The following FAM228B variants were observed in gnomAD, a reference collection of about 807,000 sequenced individuals.
The protein encoded by FAM228B is family with sequence similarity 228 member B.
Under a neutral mutation model 42.6 loss-of-function variants are expected in FAM228B, and 38 were observed. The observed-to-expected ratio is 0.89, with a 90% confidence interval of 0.69 to 1.17. The LOEUF is 1.17. Ranked by LOEUF, FAM228B falls within the 50% of genes most tolerant of loss-of-function variation. The pLI, the probability that FAM228B is intolerant of heterozygous loss-of-function variation, is 0.00. For synonymous variants in FAM228B, 109 were observed against 122.3 expected (o/e 0.89, Z 0.72); for missense variants, 344 against 367.3 (o/e 0.94, Z 0.52).
At chr2:24,133,450 A>G (rs1666503253) in intron 2 of FAM228B, among the ~76,000 whole-genome samples, 1 of 152,194 alleles carries the variant, frequency 6.6e-6, no homozygotes, top group Non-Finnish European at 1.5e-5. Context: ...ATGGGGAAGG[A>G]CAGTTCTTAG....
chr2:24,088,899 G>C (rs561639577), intron 2 of FAM228B, among the ~76,000 whole-genome samples: 1 of 152,140 alleles, frequency 6.6e-6, no homozygotes, highest in East Asian at 1.9e-4. Context: ...TTGAATTGTG[G>C]AACACCCAGC....
upstream of FAM228B, chr2:24,121,168 T>C (rs200264162): frequency 1.2e-6 from 2 of 1,614,074 alleles, no homozygotes; most frequent in East Asian, 2.2e-5. Context: ...CTCACATTTT[T>C]GGCATAAAGA....
intron 7 of FAM228B, among the ~76,000 whole-genome samples, chr2:24,149,729 G>A (rs143284582): frequency 3.3e-4 from 50 of 152,226 alleles, no homozygotes; most frequent in African/African-American, 6.3e-4. Flanking sequence ...CACTGCGCCC[G>A]GCTTGTTGGT....
Position 24,077,812 on chromosome 2 carries a change from C to T in FAM228B, c.-290+843C>T, listed in dbSNP as rs747412391. ...AGCCTGGGGAGAGAGCCTCACCCTG[C>T]CCTCCTCATCCTCCTCAGCCTTCTT... On this transcript the variant is annotated intron_variant, in intron 1 of 10. Transcript: ENST00000613899. This position sits in a 1 kb window ranked among gnomAD's most constrained non-coding sequence, Gnocchi z 5.5. 6.4e-7 allele frequency: 1 copy of T among 1,556,836 alleles called. No individual in the cohort carries two copies.
intron 3 of FAM228B, among the ~76,000 whole-genome samples, chr2:24,104,030 C>T (rs2150997051): frequency 6.6e-6 from 1 of 152,282 alleles, no homozygotes; most frequent in African/African-American, 2.4e-5. Context: ...AAAGGACTAG[C>T]AAACACTGAG....
chr2:24,101,296 T>C (rs1245953122), intron 3 of FAM228B, among the ~76,000 whole-genome samples: 1 of 152,208 alleles, frequency 6.6e-6, no homozygotes, highest in Non-Finnish European at 1.5e-5. Flanking sequence ...ATTTTTCTTC[T>C]ACTACTCATA....
At chr2:24,122,359 T>C, upstream of FAM228B, 2 of 1,282,238 alleles carry the variant, frequency 1.6e-6, no homozygotes, top group Non-Finnish European at 2.2e-6. Flanking sequence ...TGCTTCATTT[T>C]TTGGAAGAAT....
At chr2:24,106,172 A>C (rs528151050) in intron 3 of FAM228B, among the ~76,000 whole-genome samples, 29 of 152,288 alleles carry the variant, frequency 1.9e-4, no homozygotes, top group African/African-American at 6.5e-4. Context: ...CAGATTCTCC[A>C]AAGTTTACAT....
At chr2:24,152,926 TCCCTC>T (rs1416310971) in intron 7 of FAM228B, among the ~76,000 whole-genome samples, 3 of 151,894 alleles carry the variant, frequency 2.0e-5, no homozygotes, top group Non-Finnish European at 4.4e-5. Context: ...TTCCCACTCT[TCCCTC>T]CCCTTTACAC....
At position 24,169,138 on chromosome 2, in the gene FAM228B, T is replaced by C. The variant is rs1667507208; in HGVS notation, c.*15-218T>C. On this transcript the variant is annotated intron_variant, in intron 10 of 10. Transcript: ENST00000615575. The surrounding 1 kb of genome is among the most constrained non-coding windows in gnomAD (Gnocchi z 4.2). ...GTGATCCACCCCATCTATTTGACCA[T>C]GTCCCTGAATCTCTCAGTGCTTCTG... Among the ~76,000 whole-genome samples the C allele has an allele frequency of 6.6e-6, 1 of 152,192 alleles. No individual in the cohort carries two copies. The highest frequency in any genetic ancestry group is 6.5e-5 in the Admixed American group (1 of 15,286).
At chr2:24,131,327 A>G (rs983547811) in intron 2 of FAM228B, among the ~76,000 whole-genome samples, 1 of 152,130 alleles carries the variant, frequency 6.6e-6, no homozygotes, top group South Asian at 2.1e-4. Flanking sequence ...TTTTGGTTTC[A>G]TATAAAATTT....
chr2:24,101,643 C>T (rs1665607977), intron 3 of FAM228B, among the ~76,000 whole-genome samples: 1 of 151,880 alleles, frequency 6.6e-6, no homozygotes, highest in Non-Finnish European at 1.5e-5. Context: ...GGACTGAGTT[C>T]GAAATTAGTT....
At chr2:24,079,585 G>A (rs766364231) in intron 1 of FAM228B, 25 of 1,613,970 alleles carry the variant, frequency 1.5e-5, no homozygotes, top group East Asian at 2.2e-5. Context: ...GGCAGTTGAC[G>A]TTCTTCTCCC....
chr2:24,076,989 G>C (rs1050688343), intron 1 of FAM228B: 5 of 167,990 alleles, frequency 3.0e-5, no homozygotes, highest in South Asian at 2.2e-4. Flanking sequence ...GGAAGGGATC[G>C]GGGCCTGAGG....
intron 4 of FAM228B, 42 bp downstream of exon 4, chr2:24,138,142 C>G (rs1357112314): frequency 7.2e-7 from 1 of 1,394,916 alleles, no homozygotes; most frequent in South Asian, 1.3e-5. Context: ...TTGATTTAGA[C>G]CTAATGTCAT....
At position 24,134,489 on chromosome 2, in the gene FAM228B, A is replaced by G. The variant is rs990308747; in HGVS notation, c.100-630A>G. 3.3e-5 allele frequency among the ~76,000 whole-genome samples: 5 copies of G among 152,358 alleles called. No individual in the cohort carries two copies. In the East Asian group the frequency reaches 7.7e-4, roughly 23 times the overall value. ...CTCAAATAGAGGCCTAATTTAATCTATTTTAACCCAGAAAAGTAAAAGCAT... is the reference window on the plus strand; with the variant it reads ...CTCAAATAGAGGCCTAATTTAATCTGTTTTAACCCAGAAAAGTAAAAGCAT... On this transcript the variant is annotated intron_variant, in intron 2 of 10. Coordinates refer to ENST00000615575, the MANE Select transcript of FAM228B (RefSeq NM_001145710.2).
chr2:24,105,098 T>C (rs1416825967), intron 3 of FAM228B, among the ~76,000 whole-genome samples: 1 of 152,208 alleles, frequency 6.6e-6, no homozygotes, highest in Non-Finnish European at 1.5e-5. Flanking sequence ...CACCCCCGCG[T>C]CCTGTAGCCA....
chr2:24,089,491 T>G (rs1381144062), intron 2 of FAM228B, among the ~76,000 whole-genome samples: 1 of 152,204 alleles, frequency 6.6e-6, no homozygotes, highest in Non-Finnish European at 1.5e-5. Flanking sequence ...TTTCGCCTCA[T>G]TCTGTTGATG....
chr2:24,161,179 C>T (rs1295646292), intron 7 of FAM228B, among the ~76,000 whole-genome samples: 1 of 152,186 alleles, frequency 6.6e-6, no homozygotes, highest in Non-Finnish European at 1.5e-5. Context: ...GGCGTGGAGG[C>T]TCATGCCTAT....
Sources: allele counts gnomAD v4.1 joint callset (sites outside exome capture counted in the v4.1 genomes callset), GRCh38; gene constraint gnomAD v4.1.1; non-coding constraint Gnocchi (gnomAD v3.1); transcripts MANE v1.5; gene names NCBI Gene and HGNC (gene_info 2026-07-23, HGNC 2026-07-21).